GALNT6: variants seen among roughly 807,000 people sequenced by gnomAD.
GALNT6 encodes the protein polypeptide N-acetylgalactosaminyltransferase 6.
In GALNT6, 51 loss-of-function variants were observed where a neutral mutation model predicts 65.9. The ratio of observed to expected loss-of-function variants is 0.77; its 90% CI spans 0.62 to 0.98. The LOEUF (loss-of-function observed/expected upper bound fraction) is 0.98. GALNT6 is among the 50% of genes least tolerant of loss of function. GALNT6 has a pLI of 0.00. For synonymous variants in GALNT6, 323 were observed against 315.1 expected (o/e 1.02, Z -0.26); for missense variants, 708 against 803.3 (o/e 0.88, Z 1.43).
intron 3 of GALNT6, among the ~76,000 whole-genome samples, 198 bp downstream of exon 3, chr12:51,379,093 C>T (rs1947568289): frequency 6.6e-6 from 1 of 152,252 alleles, no homozygotes; most frequent in South Asian, 2.1e-4. Flanking sequence ...TCTGGCCTGA[C>T]CATAATACCC....
intron 4 of GALNT6, among the ~76,000 whole-genome samples, chr12:51,375,235 C>T (rs1947413441): frequency 6.6e-6 from 1 of 152,136 alleles, no homozygotes; most frequent in Admixed American, 6.5e-5. Flanking sequence ...CACACCAGAT[C>T]TCTTTAACAA....
Position 51,357,417 on chromosome 12 carries a change from CAT to C in GALNT6, c.1532_1533del (p.Asp511GlyfsTer3). The C allele has an allele frequency of 6.2e-7, 1 of 1,614,098 alleles. No individual in the cohort carries two copies. The highest frequency in any genetic ancestry group is 8.5e-7 in the Non-Finnish European group (1 of 1,179,924). On this transcript the variant is annotated frameshift_variant, in exon 10 of 12. Coordinates refer to ENST00000356317, the MANE Select transcript of GALNT6 (RefSeq NM_007210.4). LOFTEE classifies it high-confidence loss of function. ...IKNLGTNQCL[D>X]VGENNRGGKP... ...TTCCCCCCGCGGTTGTTCTCACCCA[CAT>C]CCAGGCATTGGTTGGTGCCGAGGTT...
chr12:51,388,620 C>T (rs1421340381), intron 2 of GALNT6, among the ~76,000 whole-genome samples: 1 of 152,144 alleles, frequency 6.6e-6, no homozygotes, highest in African/African-American at 2.4e-5. Context: ...GCTTTCCTTA[C>T]GTGGGATTTC....
intron 11 of GALNT6, among the ~76,000 whole-genome samples, chr12:51,355,083 C>T (rs574749854): frequency 6.6e-6 from 1 of 152,304 alleles, no homozygotes; most frequent in East Asian, 1.9e-4. Context: ...ACATGCTGGG[C>T]TTCCTCCGGC....
At chr12:51,374,999 C>G (rs1947405872) in intron 4 of GALNT6, among the ~76,000 whole-genome samples, 1 of 152,084 alleles carries the variant, frequency 6.6e-6, no homozygotes, top group Non-Finnish European at 1.5e-5. Context: ...GGCTCAGCCT[C>G]CCGAGTAGCT....
chr12:51,379,054 C>T (rs1000487835), intron 3 of GALNT6, among the ~76,000 whole-genome samples: 7 of 152,238 alleles, frequency 4.6e-5, no homozygotes, highest in African/African-American at 1.7e-4. Flanking sequence ...TTCATAATTG[C>T]ATTTCACTCT....
chr12:51,357,218 C>T (rs1417214327), intron 10 of GALNT6, 131 bp downstream of exon 10: 9 of 635,114 alleles, frequency 1.4e-5, no homozygotes, highest in Non-Finnish European at 2.3e-5. Context: ...ATGCCTTCTC[C>T]TCCGACTGGA....
intron 2 of GALNT6, among the ~76,000 whole-genome samples, chr12:51,384,841 T>C (rs1207982220): frequency 6.6e-6 from 1 of 152,098 alleles, no homozygotes; most frequent in Non-Finnish European, 1.5e-5. Flanking sequence ...GTTATGATCA[T>C]GCCACTGCAC....
At chr12:51,358,454 C>A (rs1338624807) in intron 8 of GALNT6, among the ~76,000 whole-genome samples, 193 bp from the exon 9 acceptor site, 2 of 152,138 alleles carry the variant, frequency 1.3e-5, no homozygotes, top group Non-Finnish European at 1.5e-5. Context: ...TCGCGCACCA[C>A]CACGCCCAAT....
At chr12:51,390,166 T>C (rs1242024173) in intron 2 of GALNT6, among the ~76,000 whole-genome samples, 13 of 134,068 alleles carry the variant, frequency 9.7e-5, no homozygotes, top group East Asian at 5.9e-4. Context: ...CTTTTTTTTT[T>C]TTTTTTTTTT....
intron 4 of GALNT6, among the ~76,000 whole-genome samples, chr12:51,368,091 T>C (rs554599967): frequency 2.6e-4 from 39 of 152,056 alleles, no homozygotes; most frequent in African/African-American, 9.2e-4. Flanking sequence ...GCACCTGAGT[T>C]TCAAGGTGGT....
rs1565741187 is a variant in GALNT6 at position 51,390,160 on chromosome 12, T to TTTC, written c.-104+689_-104+690insGAA. Among the ~76,000 whole-genome samples the TTTC allele has an allele frequency of 0.012, 108 of 8,870 alleles. No individual in the cohort carries two copies. In the South Asian group the frequency reaches 0.15, roughly 13 times the overall value. 5.8% of individuals were successfully genotyped at this position (8,870 alleles called of 152,430 possible). On this transcript the variant is annotated intron_variant, in intron 2 of 11. Coordinates refer to ENST00000356317, the MANE Select transcript of GALNT6 (RefSeq NM_007210.4). Reference sequence around the variant, plus strand: ...TATTTCTTTCTTTCTTTCTTTCTTTTTTTTTTTTTTTTTTTTTTTGAGACA... The same window carrying TTTC: ...TATTTCTTTCTTTCTTTCTTTCTTTTTTCTTTTTTTTTTTTTTTTTTTGAGACA...
chr12:51,358,581 G>A (rs1176721345), intron 8 of GALNT6, among the ~76,000 whole-genome samples: 5 of 152,076 alleles, frequency 3.3e-5, no homozygotes, highest in African/African-American at 7.2e-5. Context: ...GATTACAGGC[G>A]TGAGCCACCA....
chr12:51,377,160 C>A (rs1350610089), intron 4 of GALNT6, 35 bp downstream of exon 4: 4 of 1,598,502 alleles, frequency 2.5e-6, no homozygotes, highest in East Asian at 2.2e-5. Flanking sequence ...CCAGGGGAGA[C>A]CCCGGCCCCC....
intron 2 of GALNT6, among the ~76,000 whole-genome samples, chr12:51,390,205 C>A (rs1158788716): frequency 1.3e-4 from 15 of 115,918 alleles, no homozygotes; most frequent in African/African-American, 4.6e-4. Context: ...TCTTATTGCC[C>A]AGGCTGGAAT....
At chr12:51,386,194 G>A (rs574648515) in intron 2 of GALNT6, among the ~76,000 whole-genome samples, 11 of 152,314 alleles carry the variant, frequency 7.2e-5, no homozygotes, top group South Asian at 4.1e-4. Flanking sequence ...TATCAACGGC[G>A]AGGCCAGAAT....
At chr12:51,388,381 G>A (rs1947906309) in intron 2 of GALNT6, among the ~76,000 whole-genome samples, 1 of 152,202 alleles carries the variant, frequency 6.6e-6, no homozygotes, top group Non-Finnish European at 1.5e-5. Flanking sequence ...TGGCCGGGTT[G>A]CTTCCTGTTT....
At chr12:51,363,626 C>T (rs1350465496) in intron 6 of GALNT6, among the ~76,000 whole-genome samples, 1 of 152,160 alleles carries the variant, frequency 6.6e-6, no homozygotes, top group Non-Finnish European at 1.5e-5. Flanking sequence ...TGTCTGTTTT[C>T]TTTTAGTATA....
At chr12:51,374,840 T>A (rs1947401405) in intron 4 of GALNT6, among the ~76,000 whole-genome samples, 1 of 152,202 alleles carries the variant, frequency 6.6e-6, no homozygotes, top group Non-Finnish European at 1.5e-5. Context: ...CTGCCGATTA[T>A]CCTCCTCCAA....
Sources: allele counts gnomAD v4.1 joint callset (sites outside exome capture counted in the v4.1 genomes callset), GRCh38; gene constraint gnomAD v4.1.1; transcripts MANE v1.5; gene names NCBI Gene and HGNC (gene_info 2026-07-23, HGNC 2026-07-21).